ADCY3: variants seen among roughly 807,000 people sequenced by gnomAD.
ADCY3 encodes adenylate cyclase type 3.
Under a neutral mutation model 119.4 loss-of-function variants are expected in ADCY3, and 70 were observed. That is an observed-to-expected ratio of 0.59 (90% CI 0.48 to 0.72). ADCY3 has a LOEUF of 0.72. Ranked by LOEUF, ADCY3 falls within the 30% of genes least tolerant of loss-of-function variation. The pLI is 0.00. For missense variants in ADCY3, 1,238 were observed against 1,541.6 expected (o/e 0.80, Z 3.30); for synonymous variants, 672 against 621.4 (o/e 1.08, Z -1.21).
At chr2:24,838,735 G>A (rs13383956) in intron 7 of ADCY3, 113 bp from the exon 8 acceptor site, 8 of 1,582,706 alleles carry the variant, frequency 5.1e-6, no homozygotes, top group Admixed American at 1.7e-5. Context: ...CGTGTCTCTC[G>A]GGCATGTGGG....
intron 9 of ADCY3, 113 bp downstream of exon 9, chr2:24,836,804 G>T: frequency 6.9e-7 from 1 of 1,456,446 alleles, no homozygotes; most frequent in Non-Finnish European, 9.1e-7. Context: ...AGCAGGTCCT[G>T]GGTGGTGGCC....
intron 2 of ADCY3, among the ~76,000 whole-genome samples, chr2:24,911,217 CTTTTTTTTTT>C (rs61442701): frequency 1.1e-5 from 1 of 93,484 alleles, no homozygotes; most frequent in Non-Finnish European, 2.0e-5. Context: ...TATAAGGGTT[CTTTTTTTTTT>C]TTTTTTTTTT....
chr2:24,820,206 G>A (rs377714251), intron 21 of ADCY3, 92 bp from the exon 22 acceptor site: 2 of 1,263,220 alleles, frequency 1.6e-6, no homozygotes. Flanking sequence ...GCCGAGCACT[G>A]ATCCATGGGT....
At chr2:24,852,732 C>T (rs186260102) in intron 3 of ADCY3, among the ~76,000 whole-genome samples, 1 of 152,376 alleles carries the variant, frequency 6.6e-6, no homozygotes, top group East Asian at 1.9e-4. Context: ...GCCCGAGGAC[C>T]CGAGCTGCCA....
chr2:24,845,011 C>T (rs1172509867), intron 3 of ADCY3, among the ~76,000 whole-genome samples: 1 of 152,198 alleles, frequency 6.6e-6, no homozygotes, highest in Non-Finnish European at 1.5e-5. Context: ...TTGCTTTTTG[C>T]TCATTTTCTC....
intron 2 of ADCY3, among the ~76,000 whole-genome samples, chr2:24,879,570 T>C (rs1399775398): frequency 1.3e-5 from 2 of 151,608 alleles, no homozygotes; most frequent in Non-Finnish European, 2.9e-5. Flanking sequence ...AATTAGTAAC[T>C]AATAATAACA....
rs1471824110 is a variant in ADCY3, at chr2:24,834,231, C to T, written c.1967+254G>A. ...CAGCCTTCTGGAGGCCTCTGTCCCT[C>T]AGCTCTCTTGATCCTGGCCAGATCC... is the stretch of plus-strand genomic sequence containing the variant. On this transcript the variant is annotated intron_variant, in intron 11 of 21. Transcript: ENST00000679454. This position sits in a 1 kb window ranked among gnomAD's most constrained non-coding sequence, Gnocchi z 4.2. Among the ~76,000 whole-genome samples, 1 of 152,232 alleles carries T rather than the reference C, an allele frequency of 6.6e-6. No homozygotes were observed. Among genetic ancestry groups the T allele is most frequent in the East Asian group, 1.9e-4 (1 of 5,194 alleles).
At chr2:24,887,537 T>C (rs1470572458) in intron 2 of ADCY3, among the ~76,000 whole-genome samples, 1 of 152,000 alleles carries the variant, frequency 6.6e-6, no homozygotes, top group African/African-American at 2.4e-5. Context: ...ACCGGCATCA[T>C]GCAGCGATAG....
chr2:24,902,605 A>T (rs1415798388), intron 2 of ADCY3, among the ~76,000 whole-genome samples: 2 of 151,716 alleles, frequency 1.3e-5, no homozygotes, highest in Non-Finnish European at 1.5e-5. Flanking sequence ...CCACTTGCAG[A>T]TTTTCTTTCA....
chr2:24,829,855 T>C (rs1558414330), intron 13 of ADCY3, among the ~76,000 whole-genome samples: 1 of 151,382 alleles, frequency 6.6e-6, no homozygotes, highest in Admixed American at 6.6e-5. Context: ...GCTCCAGGCA[T>C]GTAGTGCTCA....
intron 2 of ADCY3, among the ~76,000 whole-genome samples, chr2:24,901,101 C>T (rs1678846254): frequency 6.6e-6 from 1 of 152,112 alleles, no homozygotes; most frequent in Non-Finnish European, 1.5e-5. Context: ...GGAATGGAAG[C>T]AGCGAGGAGG....
At chr2:24,851,958 T>A (rs1228416253) in intron 3 of ADCY3, among the ~76,000 whole-genome samples, 1 of 152,168 alleles carries the variant, frequency 6.6e-6, no homozygotes, top group Admixed American at 6.5e-5. Flanking sequence ...TGAGTCCCCA[T>A]ATCCTCTACC....
intron 20 of ADCY3, 92 bp downstream of exon 20, chr2:24,821,425 T>C (rs1282066862): frequency 1.3e-6 from 2 of 1,540,524 alleles, no homozygotes; most frequent in Admixed American, 3.7e-5. Flanking sequence ...ATTGCCTCAG[T>C]TGTCCTGAGC....
At chr2:24,825,956 G>A in intron 16 of ADCY3, 89 bp downstream of exon 16, 1 of 1,283,256 alleles carries the variant, frequency 7.8e-7, no homozygotes, top group Non-Finnish European at 1.1e-6. Flanking sequence ...CCATTCCTTA[G>A]GAGCTTGGGC....
intron 16 of ADCY3, 142 bp from the exon 17 acceptor site, chr2:24,824,678 C>T (rs1300036687): frequency 7.2e-6 from 6 of 828,700 alleles, no homozygotes; most frequent in Non-Finnish European, 9.2e-6. Context: ...CACCTGAGGT[C>T]AGGAGTTCGA....
chr2:24,836,756 G>A (rs529081072), intron 9 of ADCY3, among the ~76,000 whole-genome samples, 161 bp downstream of exon 9: 2 of 152,308 alleles, frequency 1.3e-5, no homozygotes, highest in Admixed American at 6.5e-5. Flanking sequence ...TTGCGGGGCT[G>A]GAGGGGTGAC....
chr2:24,893,890 C>A (rs1490769170), intron 2 of ADCY3, among the ~76,000 whole-genome samples: 3 of 152,214 alleles, frequency 2.0e-5, no homozygotes, highest in Non-Finnish European at 2.9e-5. Flanking sequence ...AAGCGTGAGC[C>A]ACTGCCAATA....
At chr2:24,875,504 GAGA>G (rs1253641377) in intron 2 of ADCY3, among the ~76,000 whole-genome samples, 1 of 152,282 alleles carries the variant, frequency 6.6e-6, no homozygotes, top group East Asian at 1.9e-4. Context: ...AGCTTTGAGA[GAGA>G]TGATTCCAGA....
At chr2:24,827,127 A>C (rs972217607) in intron 15 of ADCY3, among the ~76,000 whole-genome samples, 1 of 152,190 alleles carries the variant, frequency 6.6e-6, no homozygotes, top group Admixed American at 6.5e-5. Flanking sequence ...GGAATCATAA[A>C]ATTTTAAAAC....
Sources: allele counts gnomAD v4.1 joint callset (sites outside exome capture counted in the v4.1 genomes callset), GRCh38; gene constraint gnomAD v4.1.1; non-coding constraint Gnocchi (gnomAD v3.1); transcripts MANE v1.5; gene names NCBI Gene and HGNC (gene_info 2026-07-23, HGNC 2026-07-21).